HRH2: variants seen among roughly 807,000 people sequenced by gnomAD.
The protein encoded by HRH2 is histamine receptor H2.
HRH2 carries 4 observed loss-of-function variants against 20.1 expected under a neutral mutation model. That is an observed-to-expected ratio of 0.20 (90% CI 0.10 to 0.45). The LOEUF (loss-of-function observed/expected upper bound fraction) is 0.45, where lower values mean the gene tolerates loss of function less well. HRH2 is among the 20% of genes least tolerant of loss of function. HRH2 has a pLI of 0.99. For missense variants in HRH2, 250 were observed against 461.6 expected, an observed-to-expected ratio of 0.54 and a Z score of 4.20; for synonymous variants, 197 against 200.7, an observed-to-expected ratio of 0.98 and a Z score of 0.16.
At position 175,710,005 on chromosome 5, in the gene HRH2, T is replaced by A. The variant is rs1219040972; in HGVS notation, c.*2034T>A. The A allele has an allele frequency of 6.6e-6, 1 of 152,328 alleles. No homozygotes were observed. The highest frequency in any genetic ancestry group is 1.5e-5 in the Non-Finnish European group (1 of 68,142). The allele number at this position is 152,328 out of a possible 1,614,324, so 9.4% of individuals were successfully genotyped here. ...CATTCCATGCTCAAAGCTGTTTCCG[T>A]GAGGAAAGGCTCCTCCTGCTCATTT... On this transcript the variant is annotated 3_prime_UTR_variant, in exon 3 of 3. Transcript: ENST00000636584.
At position 175,693,219 on chromosome 5, in the gene HRH2, C is replaced by A. The variant is rs1756446817; in HGVS notation, c.1076+8910C>A. Among the ~76,000 whole-genome samples the A allele has an allele frequency of 6.6e-6, 1 of 152,190 alleles. No homozygotes were observed. The highest frequency in any genetic ancestry group is 1.5e-5 in the Non-Finnish European group (1 of 68,034). On this transcript the variant is annotated intron_variant, in intron 2 of 2. Transcript: ENST00000636584. This position sits in a 1 kb window ranked among gnomAD's most constrained non-coding sequence, Gnocchi z 4.4. ...TGTTTTGGGGGCTTCATTACGCTCGCAGTGGCTGTTTGTGGCAGAGCATTC... is the reference window on the plus strand; with the variant it reads ...TGTTTTGGGGGCTTCATTACGCTCGAAGTGGCTGTTTGTGGCAGAGCATTC...
Position 175,686,819 on chromosome 5 carries a change from A to G in HRH2, c.1076+2510A>G, listed in dbSNP as rs1400575415. 6.6e-6 allele frequency among the ~76,000 whole-genome samples: 1 copy of G among 152,250 alleles called. No homozygotes were observed. Among genetic ancestry groups the G allele is most frequent in the Non-Finnish European group, 1.5e-5 (1 of 68,052 alleles). ...AGGTGGGAAAACTGAGGCACACAGA[A>G]GTCAAGTAAACTGCCCCAAGGGATA... On this transcript the variant is annotated intron_variant, in intron 2 of 2. Coordinates refer to ENST00000636584, the MANE Select transcript of HRH2 (RefSeq NM_001367711.1). This position sits in a 1 kb window ranked among gnomAD's most constrained non-coding sequence, Gnocchi z 4.7.
chr5:175,700,043 G>A (rs775713846), intron 2 of HRH2, among the ~76,000 whole-genome samples: 18 of 152,202 alleles, frequency 1.2e-4, no homozygotes, highest in Admixed American at 2.6e-4. Flanking sequence ...GGAGAGAGAC[G>A]GAGTTGTGTG....
intron 2 of HRH2, chr5:175,685,568 G>A: frequency 1.7e-6 from 2 of 1,211,748 alleles, no homozygotes; most frequent in African/African-American, 3.0e-5. Context: ...TGGGTTTATG[G>A]TGATGAAGTT....
chr5:175,667,126 T>G (rs1374151416), intron 1 of HRH2, among the ~76,000 whole-genome samples: 1 of 152,156 alleles, frequency 6.6e-6, no homozygotes, highest in African/African-American at 2.4e-5. Flanking sequence ...TAGACTTAAC[T>G]CTCAATGTAG....
rs972851876 is a variant in HRH2, at chr5:175,687,587, C to T, written c.1076+3278C>T. Among the ~76,000 whole-genome samples, 2 of 152,096 alleles carry T rather than the reference C, an allele frequency of 1.3e-5. No individual in the cohort carries two copies. Among genetic ancestry groups the T allele is most frequent in the African/African-American group, 4.8e-5 (2 of 41,418 alleles). The stretch of plus-strand genomic sequence containing the variant: ...TTTGCAGCACACTCAGGGCAGCTCA[C>T]CCCACAGTCAGGGGCCCCGGCTGGT... On this transcript the variant is annotated intron_variant, in intron 2 of 2. Coordinates refer to ENST00000636584, the MANE Select transcript of HRH2 (RefSeq NM_001367711.1). This position sits in a 1 kb window ranked among gnomAD's most constrained non-coding sequence, Gnocchi z 5.2.
rs1296266480 is a variant in HRH2, at chr5:175,684,229, C to T, written c.996C>T (p.Pro332=). The change falls in exon 2 of 3, where the codon CCC becomes CCT. Residue 332 remains proline (P), a synonymous_variant. Coordinates refer to ENST00000636584, the MANE Select transcript of HRH2 (RefSeq NM_001367711.1). ...TGTCCAGGACCCAAAGCCGAGAACC[C>T]AGGCAACAGGAAGAGAAACCCCTGA... is the stretch of plus-strand genomic sequence containing the variant. The part of the protein sequence containing the change: ...SQLSRTQSRE[P]RQQEEKPLKL... 1.2e-6 allele frequency: 2 copies of T among 1,614,194 alleles called. No individual in the cohort carries two copies. The highest frequency in any genetic ancestry group is 1.1e-5 in the South Asian group (1 of 91,086).
chr5:175,680,728 G>A (rs1024401002), intron 1 of HRH2, among the ~76,000 whole-genome samples: 4 of 152,164 alleles, frequency 2.6e-5, no homozygotes, highest in African/African-American at 7.2e-5. Flanking sequence ...AGAGAGCGCC[G>A]TACAAAATCC....
chr5:175,663,107 G>A (rs1168572018), intron 1 of HRH2, among the ~76,000 whole-genome samples: 1 of 152,202 alleles, frequency 6.6e-6, no homozygotes, highest in African/African-American at 2.4e-5. Context: ...GGGCTATAAT[G>A]AATAATGTTG....
At chr5:175,665,590 C>T (rs547600769) in intron 1 of HRH2, among the ~76,000 whole-genome samples, 53 of 152,274 alleles carry the variant, frequency 3.5e-4, no homozygotes, top group African/African-American at 8.4e-4. Context: ...ACAGAGCACT[C>T]GCTGCCCTGA....
intron 2 of HRH2, among the ~76,000 whole-genome samples, chr5:175,694,840 G>C (rs375116885): frequency 2.6e-5 from 4 of 152,152 alleles, no homozygotes; most frequent in East Asian, 3.9e-4. Context: ...GAGAGTGTTG[G>C]GGGTAGGAAG....
At chr5:175,670,633 G>A (rs758605097) in intron 1 of HRH2, among the ~76,000 whole-genome samples, 8 of 152,162 alleles carry the variant, frequency 5.3e-5, no homozygotes, top group Non-Finnish European at 1.2e-4. Flanking sequence ...GCCTCCCCTC[G>A]GACCAGCAGT....
Position 175,686,279 on chromosome 5 carries a change from CTT to C in HRH2, c.1076+1972_1076+1973del, listed in dbSNP as rs890744776. On this transcript the variant is annotated intron_variant, in intron 2 of 2. Coordinates refer to ENST00000636584, the MANE Select transcript of HRH2 (RefSeq NM_001367711.1). This position sits in a 1 kb window ranked among gnomAD's most constrained non-coding sequence, Gnocchi z 4.7. ...CTCTTGGGTTTAGTCTTGTATATCA[CTT>C]TGTGCTGCCGTTACTTGTTTGAGCC... is the stretch of plus-strand genomic sequence containing the variant. The C allele has an allele frequency of 6.6e-6, 1 of 152,246 alleles. No homozygotes were observed. Among genetic ancestry groups the C allele is most frequent in the African/African-American group, 2.4e-5 (1 of 41,454 alleles). 9.4% of individuals were successfully genotyped at this position (152,246 alleles called of 1,614,324 possible). A position where few individuals can be genotyped will look rare whatever the true frequency, so the allele number is the denominator to read the frequency against.
At chr5:175,672,773 G>A (rs541267526) in intron 1 of HRH2, among the ~76,000 whole-genome samples, 33 of 152,210 alleles carry the variant, frequency 2.2e-4, no homozygotes, top group African/African-American at 4.6e-4. Context: ...AGAAACACAC[G>A]AAATGCTAGG....
intron 1 of HRH2, among the ~76,000 whole-genome samples, chr5:175,664,982 C>T (rs1762844794): frequency 6.6e-6 from 1 of 152,188 alleles, no homozygotes; most frequent in Non-Finnish European, 1.5e-5. Flanking sequence ...ATCCGGTTTG[C>T]ATTTTCTAAA....
chr5:175,685,267 C>A, intron 2 of HRH2: 2 of 667,894 alleles, frequency 3.0e-6, no homozygotes, highest in Non-Finnish European at 5.0e-6. Flanking sequence ...ACCTGAGTGG[C>A]ACCGAGGAAG....
chr5:175,682,912 A>C lies in HRH2; in HGVS notation c.-322A>C. The C allele has an allele frequency of 1.2e-4, 32 of 273,444 alleles. No homozygotes were observed. The highest frequency in any genetic ancestry group is 1.4e-4 in the Non-Finnish European group (21 of 144,968). 16.9% of individuals were successfully genotyped at this position (273,444 alleles called of 1,614,324 possible). A position where few individuals can be genotyped will look rare whatever the true frequency, so the allele number is the denominator to read the frequency against. On this transcript the variant is annotated 5_prime_UTR_variant, in exon 2 of 3. Coordinates refer to ENST00000636584, the MANE Select transcript of HRH2 (RefSeq NM_001367711.1). ...GAGACCTACCCCAGCCCCGGGAGGA[A>C]GCTAGCTCTTCAGGGGACCGTCTGA...
chr5:175,671,082 T>C (rs80150854), intron 1 of HRH2, among the ~76,000 whole-genome samples: 3,618 of 152,272 alleles, frequency 0.024, 160 homozygotes, highest in African/African-American at 0.082. Context: ...CTAATGTCTG[T>C]TGAGAGTGCT....
At position 175,683,943 on chromosome 5, in the gene HRH2, C is replaced by T; in HGVS notation, c.710C>T (p.Ala237Val). ...GAGCACAAAGCCACAGTGACACTGGCCGCCGTCATGGGGGCCTTCATCATC... is the reference window on the plus strand; with the variant it reads ...GAGCACAAAGCCACAGTGACACTGGTCGCCGTCATGGGGGCCTTCATCATC... ...IREHKATVTL[A>V]AVMGAFIICW... The change falls in exon 2 of 3, where the codon GCC (alanine) becomes GTC (valine). Residue 237 changes from alanine to valine, a missense_variant. Ala to Val is a moderately conservative substitution (Grantham distance 64). This residue lies in a region of HRH2 where 58 missense variants were observed against 166.8 expected (regional missense o/e 0.35). Coordinates refer to ENST00000636584, the MANE Select transcript of HRH2 (RefSeq NM_001367711.1). 1 of 1,614,212 alleles carries T rather than the reference C, an allele frequency of 6.2e-7. No individual in the cohort carries two copies. The highest frequency in any genetic ancestry group is 8.5e-7 in the Non-Finnish European group (1 of 1,180,038).
Sources: allele counts gnomAD v4.1 joint callset (sites outside exome capture counted in the v4.1 genomes callset), GRCh38; gene constraint gnomAD v4.1.1; regional missense constraint gnomAD v4.1.1; non-coding constraint Gnocchi (gnomAD v3.1); transcripts MANE v1.5; gene names NCBI Gene and HGNC (gene_info 2026-07-23, HGNC 2026-07-21).